Variants in NTRK3 observed in about 807,000 individuals in gnomAD.
NTRK3 encodes the protein NT-3 growth factor receptor.
Under a neutral mutation model 91.7 loss-of-function variants are expected in NTRK3, and 24 were observed. The ratio of observed to expected loss-of-function variants is 0.26; its 90% CI spans 0.19 to 0.37. The LOEUF (loss-of-function observed/expected upper bound fraction) is 0.37. Among genes scored for constraint, NTRK3 ranks in the 10% least tolerant of loss-of-function variants. The pLI, the probability that NTRK3 is intolerant of heterozygous loss-of-function variation, is 1.00. For synonymous variants in NTRK3, 483 were observed against 404.0 expected (o/e 1.20, Z -2.34); for missense variants, 880 against 1,068.9 (o/e 0.82, Z 2.46).
At chr15:88,036,066 A>G (rs1164831289) in intron 13 of NTRK3, among the ~76,000 whole-genome samples, 3 of 152,214 alleles carry the variant, frequency 2.0e-5, no homozygotes, top group Non-Finnish European at 4.4e-5. Context: ...AGAGACAGGG[A>G]AAATGAATAT....
Position 88,051,804 on chromosome 15 carries a change from C to G in NTRK3, c.1397-18759G>C, listed in dbSNP as rs536429063. 9.2e-5 allele frequency among the ~76,000 whole-genome samples: 14 copies of G among 152,350 alleles called. No homozygotes were observed. In the South Asian group the frequency reaches 2.9e-3, roughly 32 times the overall value. On this transcript the variant is annotated intron_variant, in intron 13 of 18. Transcript: ENST00000394480. The stretch of plus-strand genomic sequence containing the variant: ...ATACTTTTAACCCCCATGATAATTA[C>G]TGATTTAAGTGACAGGTTCTTCTTT...
chr15:87,928,703 G>A (rs1448808901), intron 17 of NTRK3: 1 of 207,082 alleles, frequency 4.8e-6, no homozygotes, highest in African/African-American at 2.3e-5. Flanking sequence ...ACTTTACTTA[G>A]GTTTCCTCTT....
intron 14 of NTRK3, among the ~76,000 whole-genome samples, chr15:87,975,245 A>C (rs1352286321): frequency 6.6e-6 from 1 of 152,102 alleles, no homozygotes; most frequent in Non-Finnish European, 1.5e-5. Context: ...ATGTCCCTGG[A>C]ATGTGTTAGA....
chr15:87,990,605 C>A (rs2075211519), intron 14 of NTRK3, among the ~76,000 whole-genome samples: 1 of 152,176 alleles, frequency 6.6e-6, no homozygotes, highest in Non-Finnish European at 1.5e-5. Flanking sequence ...ATTTGCCTTT[C>A]TATATTGGAG....
intron 13 of NTRK3, among the ~76,000 whole-genome samples, chr15:88,095,049 C>G (rs937169447): frequency 3.9e-5 from 6 of 152,204 alleles, no homozygotes; most frequent in Admixed American, 3.9e-4. Flanking sequence ...AAATTGATGG[C>G]ACTCTGGCGG....
chr15:87,974,918 A>C (rs1357645702), intron 14 of NTRK3, among the ~76,000 whole-genome samples: 1 of 152,076 alleles, frequency 6.6e-6, no homozygotes, highest in African/African-American at 2.4e-5. Flanking sequence ...TTTCACAATC[A>C]TAGCCTTCCA....
intron 14 of NTRK3, among the ~76,000 whole-genome samples, chr15:88,015,130 A>C (rs2077138023): frequency 6.6e-6 from 1 of 152,196 alleles, no homozygotes; most frequent in African/African-American, 2.4e-5. Context: ...AACTGTCCCT[A>C]AATTCAGAGA....
chr15:88,032,726 A>C, intron 14 of NTRK3, 131 bp downstream of exon 14: 1 of 1,000,004 alleles, frequency 1.0e-6, no homozygotes, highest in Non-Finnish European at 1.5e-6. Flanking sequence ...ACAAACAGGG[A>C]GGGTCTCTTA....
chr15:87,996,238 C>T (rs577878129), intron 14 of NTRK3, among the ~76,000 whole-genome samples: 150 of 151,988 alleles, frequency 9.9e-4, no homozygotes, highest in Non-Finnish European at 2.0e-3. Context: ...AGAGAGACTC[C>T]GTCTCTAAAA....
chr15:88,134,047 C>T (rs1597498703), intron 10 of NTRK3, among the ~76,000 whole-genome samples: 1 of 152,316 alleles, frequency 6.6e-6, no homozygotes, highest in East Asian at 1.9e-4. Flanking sequence ...CTACATACTG[C>T]TAGCTCTTTC....
At chr15:87,897,608 T>G (rs2141620174) in intron 17 of NTRK3, among the ~76,000 whole-genome samples, 1 of 152,182 alleles carries the variant, frequency 6.6e-6, no homozygotes, top group South Asian at 2.1e-4. Flanking sequence ...CAAATGCAGG[T>G]TATAATACCA....
intron 3 of NTRK3, among the ~76,000 whole-genome samples, chr15:88,239,950 C>G (rs571298333): frequency 1.3e-5 from 2 of 152,186 alleles, no homozygotes; most frequent in East Asian, 3.9e-4. Flanking sequence ...GCCCAGCGGT[C>G]GGTGTTTTAA....
Position 88,237,048 on chromosome 15 carries a change from T to C in NTRK3, c.248+18858A>G, listed in dbSNP as rs1276354000. 6.6e-6 allele frequency among the ~76,000 whole-genome samples: 1 copy of C among 152,238 alleles called. No individual in the cohort carries two copies. Among genetic ancestry groups the C allele is most frequent in the Non-Finnish European group, 1.5e-5 (1 of 68,044 alleles). Reference sequence around the variant, plus strand: ...CAAAAAGTGAAAAAGAATCGAAGTCTAATTTTATGACATACATGCTGAAGT... The same window carrying C: ...CAAAAAGTGAAAAAGAATCGAAGTCCAATTTTATGACATACATGCTGAAGT... On this transcript the variant is annotated intron_variant, in intron 3 of 18. Coordinates refer to ENST00000394480, the Ensembl canonical transcript of NTRK3. The surrounding 1 kb of genome is among the most constrained non-coding windows in gnomAD (Gnocchi z 4.0).
At chr15:87,922,992 G>C (rs2068000674) in intron 17 of NTRK3, among the ~76,000 whole-genome samples, 1 of 152,154 alleles carries the variant, frequency 6.6e-6, no homozygotes, top group Admixed American at 6.5e-5. Context: ...AAAAGCATGG[G>C]ACACCAAGAG....
intron 14 of NTRK3, among the ~76,000 whole-genome samples, chr15:87,959,263 C>T (rs983897365): frequency 2.6e-5 from 4 of 152,208 alleles, no homozygotes; most frequent in Non-Finnish European, 4.4e-5. Context: ...GCTCTGGCTC[C>T]TTGCGTCTCC....
intron 5 of NTRK3, among the ~76,000 whole-genome samples, chr15:88,172,654 G>C (rs897626572): frequency 2.6e-5 from 4 of 152,238 alleles, no homozygotes; most frequent in African/African-American, 4.8e-5. Context: ...TTTCGACTAA[G>C]AATTTCAAAG....
chr15:87,876,425 C>T (rs1186338343), exon 19 of NTRK3: 6 of 228,140 alleles, frequency 2.6e-5, no homozygotes, highest in Admixed American at 5.7e-5. Context: ...GGTGAGCTTC[C>T]GGGGTAACAG....
chr15:88,123,514 C>G (rs1336072063), intron 13 of NTRK3, among the ~76,000 whole-genome samples: 2 of 152,166 alleles, frequency 1.3e-5, no homozygotes, highest in African/African-American at 2.4e-5. Context: ...AGAAAAGAGT[C>G]AAACTCGGTA....
chr15:88,175,394 A>AGC (rs1354519776), intron 5 of NTRK3, among the ~76,000 whole-genome samples: 1 of 152,126 alleles, frequency 6.6e-6, no homozygotes, highest in Non-Finnish European at 1.5e-5. Flanking sequence ...AGAGAGAGAG[A>AGC]GAGAGACATA....
Sources: gnomAD v4.1 joint callset for allele counts (sites outside exome capture counted in the v4.1 genomes callset) on GRCh38, gnomAD v4.1.1 for gene constraint, Gnocchi (gnomAD v3.1) non-coding constraint, MANE v1.5 for transcripts, NCBI Gene and HGNC (gene_info 2026-07-23, HGNC 2026-07-21) for gene names.